Variants in PTK7 observed in about 807,000 individuals in gnomAD.
The protein encoded by PTK7 is protein tyrosine kinase 7 (inactive).
A neutral mutation model predicts 116.6 loss-of-function variants in PTK7; 39 were observed. The observed-to-expected ratio is 0.33, with a 90% confidence interval of 0.26 to 0.44. The LOEUF (loss-of-function observed/expected upper bound fraction) is 0.44. Ranked by LOEUF, PTK7 falls within the 20% of genes least tolerant of loss-of-function variation. The pLI, the probability that PTK7 is intolerant of heterozygous loss-of-function variation, is 1.00. For synonymous variants in PTK7, 546 were observed against 563.6 expected (o/e 0.97, Z 0.44); for missense variants, 1,169 against 1,425.6 (o/e 0.82, Z 2.90).
At chr6:43,130,201 C>T (rs1406668780) in intron 3 of PTK7, 29 bp from the exon 4 acceptor site, 1 of 1,542,166 alleles carries the variant, frequency 6.5e-7, no homozygotes, top group East Asian at 2.3e-5. Flanking sequence ...TACCCCTCCC[C>T]ACCACTGCTG....
intron 1 of PTK7, among the ~76,000 whole-genome samples, chr6:43,119,478 G>A (rs1338079218): frequency 6.6e-6 from 1 of 152,156 alleles, no homozygotes; most frequent in Non-Finnish European, 1.5e-5. Flanking sequence ...CTCCATGGTG[G>A]ACTCTGAAGG....
intron 1 of PTK7, among the ~76,000 whole-genome samples, chr6:43,128,527 G>A (rs1352038256): frequency 1.3e-5 from 2 of 152,224 alleles, no homozygotes; most frequent in African/African-American, 4.8e-5. Context: ...GCTCACGCCT[G>A]TAATCCTAGC....
At chr6:43,148,698 G>A (rs1217846261) in intron 17 of PTK7, among the ~76,000 whole-genome samples, 1 of 151,904 alleles carries the variant, frequency 6.6e-6, no homozygotes, top group Non-Finnish European at 1.5e-5. Flanking sequence ...AATATGATGG[G>A]GGAACTTTAA....
At chr6:43,125,961 C>T (rs1769265210) in intron 1 of PTK7, among the ~76,000 whole-genome samples, 1 of 147,786 alleles carries the variant, frequency 6.8e-6, no homozygotes, top group Admixed American at 6.7e-5. Context: ...GGCTTGTCCA[C>T]ACTTCGAAGG....
chr6:43,144,687 C>T, intron 15 of PTK7, 81 bp downstream of exon 15: 1 of 1,476,656 alleles, frequency 6.8e-7, no homozygotes, highest in South Asian at 1.3e-5. Flanking sequence ...GGCTAGTGTT[C>T]TGAAGTCCCT....
Position 43,161,134 on chromosome 6 carries a change from A to C in PTK7, c.*253A>C. Reference sequence around the variant, plus strand: ...AGTTTTCCCTGCCACCTCTTCCTCTATCAGGGACAGTGTGGGTGCCACAGG... The same window carrying C: ...AGTTTTCCCTGCCACCTCTTCCTCTCTCAGGGACAGTGTGGGTGCCACAGG... On this transcript the variant is annotated 3_prime_UTR_variant, in exon 20 of 20. Coordinates refer to ENST00000230419, the MANE Select transcript of PTK7 (RefSeq NM_002821.5). 4.2e-6 allele frequency: 2 copies of C among 473,962 alleles called. No individual in the cohort carries two copies. The highest frequency in any genetic ancestry group is 7.5e-6 in the Non-Finnish European group (2 of 266,560). 29.4% of individuals were successfully genotyped at this position (473,962 alleles called of 1,614,324 possible). A position where few individuals can be genotyped will look rare whatever the true frequency, so the allele number is the denominator to read the frequency against.
intron 17 of PTK7, among the ~76,000 whole-genome samples, chr6:43,146,972 G>T (rs889770795): frequency 6.6e-6 from 1 of 152,254 alleles, no homozygotes; most frequent in African/African-American, 2.4e-5. Context: ...ACGGAGAAGA[G>T]CTACCCTCGG....
At chr6:43,077,880 C>T (rs1001985392) in intron 1 of PTK7, among the ~76,000 whole-genome samples, 1 of 152,250 alleles carries the variant, frequency 6.6e-6, no homozygotes, top group African/African-American at 2.4e-5. Context: ...GACCAATCTC[C>T]AGGGATTTGG....
At chr6:43,096,235 G>T (rs1290739847) in intron 1 of PTK7, among the ~76,000 whole-genome samples, 1 of 152,192 alleles carries the variant, frequency 6.6e-6, no homozygotes, top group Non-Finnish European at 1.5e-5. Flanking sequence ...CTGAGCCTCA[G>T]GTTGGAGAGA....
chr6:43,086,129 T>C (rs548860514), intron 1 of PTK7, among the ~76,000 whole-genome samples: 2 of 152,320 alleles, frequency 1.3e-5, no homozygotes, highest in South Asian at 2.1e-4. Context: ...TCAGGGCCAC[T>C]GTCTCTCCTG....
intron 1 of PTK7, among the ~76,000 whole-genome samples, chr6:43,114,925 C>G (rs1025025764): frequency 2.6e-5 from 4 of 151,814 alleles, no homozygotes; most frequent in African/African-American, 9.7e-5. Context: ...GCCTGTAATC[C>G]CAGCTACTTA....
chr6:43,145,993 G>C lies in PTK7; in HGVS notation c.2640+561G>C, dbSNP rs964108191. The C allele has an allele frequency of 6.6e-6, 1 of 152,550 alleles. No individual in the cohort carries two copies. The highest frequency in any genetic ancestry group is 1.5e-5 in the Non-Finnish European group (1 of 68,484). The allele number at this position is 152,550 out of a possible 1,614,324, so 9.4% of individuals were successfully genotyped here. ...GCTGCTTCTCAAATCCCTAGTTCTG[G>C]GGCAAGAGCGGGCAGGAGTCCTATC... On this transcript the variant is annotated intron_variant, in intron 16 of 19. Coordinates refer to ENST00000230419, the MANE Select transcript of PTK7 (RefSeq NM_002821.5). The surrounding 1 kb of genome is among the most constrained non-coding windows in gnomAD (Gnocchi z 4.8).
chr6:43,138,290 T>C (rs1006035456), intron 7 of PTK7, among the ~76,000 whole-genome samples: 13 of 152,070 alleles, frequency 8.5e-5, no homozygotes, highest in Non-Finnish European at 1.8e-4. Context: ...GGATTACAGG[T>C]GTGAGCCACC....
chr6:43,152,270 C>T (rs1561985784), intron 17 of PTK7, among the ~76,000 whole-genome samples: 1 of 152,120 alleles, frequency 6.6e-6, no homozygotes, highest in Non-Finnish European at 1.5e-5. Flanking sequence ...CAGTGGCTCA[C>T]GCCTGTAATC....
chr6:43,091,540 T>A (rs2150378843), intron 1 of PTK7, among the ~76,000 whole-genome samples: 1 of 152,328 alleles, frequency 6.6e-6, no homozygotes, highest in Non-Finnish European at 1.5e-5. Flanking sequence ...AGTGAGATGG[T>A]ACTGCATTTC....
At chr6:43,080,369 C>A (rs1248458413) in intron 1 of PTK7, among the ~76,000 whole-genome samples, 2 of 152,086 alleles carry the variant, frequency 1.3e-5, no homozygotes, top group African/African-American at 4.8e-5. Flanking sequence ...ACAAAAAAAT[C>A]TGTAAATTAC....
intron 1 of PTK7, among the ~76,000 whole-genome samples, chr6:43,101,306 A>G (rs1049381654): frequency 1.3e-5 from 2 of 152,080 alleles, no homozygotes; most frequent in Non-Finnish European, 2.9e-5. Context: ...TAATCCCAGC[A>G]CTTTAGGAGG....
At chr6:43,134,891 A>G (rs1359272824) in intron 7 of PTK7, among the ~76,000 whole-genome samples, 1 of 152,064 alleles carries the variant, frequency 6.6e-6, no homozygotes, top group Non-Finnish European at 1.5e-5. Context: ...TGGAGGTTCC[A>G]GTGAGCTATG....
Sources: gnomAD v4.1 joint callset for allele counts (sites outside exome capture counted in the v4.1 genomes callset) on GRCh38, gnomAD v4.1.1 for gene constraint, Gnocchi (gnomAD v3.1) non-coding constraint, MANE v1.5 for transcripts, NCBI Gene and HGNC (gene_info 2026-07-23, HGNC 2026-07-21) for gene names.